EHHADH: variants seen among roughly 807,000 people sequenced by gnomAD.
The protein encoded by EHHADH is peroxisomal bifunctional enzyme.
In EHHADH, 48 loss-of-function variants were observed where a neutral mutation model predicts 64.4. That is an observed-to-expected ratio of 0.75 (90% CI 0.59 to 0.95). The LOEUF (loss-of-function observed/expected upper bound fraction) is 0.95. EHHADH is among the 40% of genes least tolerant of loss of function. The probability of loss-of-function intolerance (pLI) is 0.00; values close to 1 mark genes in which losing one functional copy is unlikely to be tolerated. For missense variants in EHHADH, 854 were observed against 876.6 expected (o/e 0.97, Z 0.33); for synonymous variants, 308 against 326.7 (o/e 0.94, Z 0.62).
intron 5 of EHHADH, among the ~76,000 whole-genome samples, chr3:185,209,189 C>T: frequency 6.6e-6 from 1 of 152,040 alleles, no homozygotes; most frequent in East Asian, 1.9e-4. Flanking sequence ...AGGTACAAGA[C>T]CTTTCAGAAG....
chr3:185,215,488 C>T (rs56405501), intron 5 of EHHADH, among the ~76,000 whole-genome samples: 11,294 of 152,126 alleles, frequency 0.074, 1,394 homozygotes, highest in African/African-American at 0.25. Context: ...TCACTGGTTG[C>T]CTGCGGCCAA....
At chr3:185,224,333 C>T (rs1225399513) in intron 4 of EHHADH, among the ~76,000 whole-genome samples, 2 of 151,632 alleles carry the variant, frequency 1.3e-5, no homozygotes, top group East Asian at 1.9e-4. Context: ...AACCTTGTCT[C>T]TACTAAAAAT....
rs755025046 is a variant in EHHADH at position 185,216,151 on chromosome 3, C to T, written c.568+1985G>A. On this transcript the variant is annotated intron_variant, in intron 5 of 6. Transcript: ENST00000231887. The surrounding 1 kb of genome is among the most constrained non-coding windows in gnomAD (Gnocchi z 5.3). ...GTAAAAATGCTTAATTTAATGTTTACAATTAATTTTAAATTGTGAATAAAT... is the reference window on the plus strand; with the variant it reads ...GTAAAAATGCTTAATTTAATGTTTATAATTAATTTTAAATTGTGAATAAAT... Among the ~76,000 whole-genome samples the T allele has an allele frequency of 1.3e-5, 2 of 152,102 alleles. No individual in the cohort carries two copies. Among genetic ancestry groups the T allele is most frequent in the African/African-American group, 2.4e-5 (1 of 41,412 alleles).
chr3:185,224,014 C>T (rs1001621946), intron 4 of EHHADH, among the ~76,000 whole-genome samples: 1 of 152,134 alleles, frequency 6.6e-6, no homozygotes, highest in African/African-American at 2.4e-5. Flanking sequence ...AATCACTCTA[C>T]TTTCCAGAAT....
chr3:185,245,660 ATC>A (rs1719574944), intron 2 of EHHADH: 1 of 723,204 alleles, frequency 1.4e-6, no homozygotes, highest in Non-Finnish European at 2.5e-6. Flanking sequence ...GACATTTTCT[ATC>A]TGTTTTTGTT....
chr3:185,251,314 G>C (rs1450505009), intron 1 of EHHADH, among the ~76,000 whole-genome samples: 1 of 151,978 alleles, frequency 6.6e-6, no homozygotes, highest in East Asian at 1.9e-4. Flanking sequence ...TGAGAAAATA[G>C]ACTATATCAA....
chr3:185,226,830 T>C (rs1171775026), intron 4 of EHHADH: 1 of 152,150 alleles, frequency 6.6e-6, no homozygotes, highest in Non-Finnish European at 1.5e-5. Context: ...TGACTTACAA[T>C]GAATCTGAGA....
At position 185,191,569 on chromosome 3, in the gene EHHADH, A is replaced by G. The variant is rs1717868977; in HGVS notation, c.*657T>C. 6.6e-6 allele frequency: 1 copy of G among 152,220 alleles called. No homozygotes were observed. Among genetic ancestry groups the G allele is most frequent in the Admixed American group, 6.5e-5 (1 of 15,276 alleles). The allele number at this position is 152,220 out of a possible 1,614,324, so 9.4% of individuals were successfully genotyped here. On this transcript the variant is annotated 3_prime_UTR_variant, in exon 7 of 7. Transcript: ENST00000231887. ...ATCACAGAGGCTTGTCATGACAGGAAAACTGGTGTCATTACTCTATCACAG... is the reference window on the plus strand; with the variant it reads ...ATCACAGAGGCTTGTCATGACAGGAGAACTGGTGTCATTACTCTATCACAG...
intron 5 of EHHADH, among the ~76,000 whole-genome samples, chr3:185,215,447 A>T (rs1718655985): frequency 6.6e-6 from 1 of 152,212 alleles, no homozygotes; most frequent in Admixed American, 6.5e-5. Flanking sequence ...TGAGATTCTA[A>T]AAAAACCATA....
At chr3:185,197,785 G>C (rs1435538097) in intron 6 of EHHADH, among the ~76,000 whole-genome samples, 2 of 152,022 alleles carry the variant, frequency 1.3e-5, no homozygotes, top group Admixed American at 1.3e-4. Context: ...TTGAGTCCCT[G>C]CTTTCAATTC....
At chr3:185,193,634 C>T in intron 6 of EHHADH, 147 bp from the exon 7 acceptor site, 1 of 879,528 alleles carries the variant, frequency 1.1e-6, no homozygotes, top group Non-Finnish European at 1.7e-6. Flanking sequence ...CTAGTTAAGA[C>T]TCTGCACTCT....
chr3:185,235,172 T>A (rs964556483), intron 3 of EHHADH, 118 bp downstream of exon 3: 1 of 1,011,814 alleles, frequency 9.9e-7, no homozygotes, highest in African/African-American at 1.7e-5. Context: ...AGAGTGAGAC[T>A]CCATCTCAAA....
At chr3:185,239,531 T>C (rs1224789602) in intron 2 of EHHADH, among the ~76,000 whole-genome samples, 2 of 152,148 alleles carry the variant, frequency 1.3e-5, no homozygotes, top group Non-Finnish European at 2.9e-5. Context: ...GGTATTTTAT[T>C]TTTTTGTGGC....
At chr3:185,249,540 T>C (rs546185529) in intron 1 of EHHADH, among the ~76,000 whole-genome samples, 8 of 152,200 alleles carry the variant, frequency 5.3e-5, no homozygotes, top group Non-Finnish European at 8.8e-5. Flanking sequence ...CCTGCTGCTG[T>C]TCTGTGAGGG....
At chr3:185,253,752 A>C (rs565418925) in intron 1 of EHHADH, 197 bp downstream of exon 1, 10 of 1,226,090 alleles carry the variant, frequency 8.2e-6, no homozygotes, top group African/African-American at 6.6e-5. Flanking sequence ...TAACCAAGCT[A>C]ATCTAGGTTA....
chr3:185,194,049 T>G lies in EHHADH; in HGVS notation c.911-562A>C, dbSNP rs1224027121. On this transcript the variant is annotated intron_variant, in intron 6 of 6. Transcript: ENST00000231887. ...CAATTCCTATAAAAATCCCAGCTGG[T>G]TTTTTGCAGAATCAATAAGCTGATC... Among the ~76,000 whole-genome samples the G allele has an allele frequency of 2.6e-5, 4 of 152,244 alleles. No homozygotes were observed. In the East Asian group the frequency reaches 5.8e-4, roughly 22 times the overall value.
At position 185,192,212 on chromosome 3, in the gene EHHADH, T is replaced by A; in HGVS notation, c.*14A>T. The stretch of plus-strand genomic sequence containing the variant: ...CCTGATGCTAGCATGTGAGGCATAA[T>A]CTGGAAGACTGAATCACAATTTACT... On this transcript the variant is annotated 3_prime_UTR_variant, in exon 7 of 7. Coordinates refer to ENST00000231887, the MANE Select transcript of EHHADH (RefSeq NM_001966.4). 2.5e-6 allele frequency: 4 copies of A among 1,604,322 alleles called. No homozygotes were observed. The highest frequency in any genetic ancestry group is 3.4e-6 in the Non-Finnish European group (4 of 1,175,370).
At chr3:185,215,111 G>A (rs544548141) in intron 5 of EHHADH, among the ~76,000 whole-genome samples, 1 of 152,020 alleles carries the variant, frequency 6.6e-6, no homozygotes, top group African/African-American at 2.4e-5. Flanking sequence ...TTAAATCACT[G>A]ATTTTTTTAT....
chr3:185,235,762 T>TA (rs1185816143), intron 2 of EHHADH, among the ~76,000 whole-genome samples: 2 of 152,012 alleles, frequency 1.3e-5, no homozygotes, highest in Admixed American at 6.6e-5. Flanking sequence ...AGTCTATATT[T>TA]AAAAAAATTA....
Sources: allele counts gnomAD v4.1 joint callset (sites outside exome capture counted in the v4.1 genomes callset), GRCh38; gene constraint gnomAD v4.1.1; non-coding constraint Gnocchi (gnomAD v3.1); transcripts MANE v1.5; gene names NCBI Gene and HGNC (gene_info 2026-07-23, HGNC 2026-07-21).